The following TAOK1 variants were observed in gnomAD, a reference collection of about 807,000 sequenced individuals.
TAOK1 encodes serine/threonine-protein kinase TAO1.
In TAOK1, 21 loss-of-function variants were observed where a neutral mutation model predicts 138.3. That is an observed-to-expected ratio of 0.15 (90% CI 0.11 to 0.22). TAOK1 has a LOEUF of 0.22. Ranked by LOEUF, TAOK1 falls within the 10% of genes least tolerant of loss-of-function variation. The probability of loss-of-function intolerance (pLI) is 1.00; values close to 1 mark genes in which losing one functional copy is unlikely to be tolerated. For synonymous variants in TAOK1, 361 were observed against 398.4 expected (o/e 0.91, Z 1.12); for missense variants, 651 against 1,227.7 (o/e 0.53, Z 7.02).
intron 2 of TAOK1, among the ~76,000 whole-genome samples, chr17:29,462,626 A>G (rs1011283145): frequency 6.6e-6 from 1 of 152,184 alleles, no homozygotes; most frequent in African/African-American, 2.4e-5. Flanking sequence ...TGCAAGTTTT[A>G]TATTTTCAGT....
At chr17:29,525,198 C>T (rs1024908412) in intron 17 of TAOK1, among the ~76,000 whole-genome samples, 31 of 152,136 alleles carry the variant, frequency 2.0e-4, no homozygotes, top group Admixed American at 1.4e-3. Flanking sequence ...CCACAACCTC[C>T]GCCTCCCGGG....
intron 2 of TAOK1, 31 bp from the exon 3 acceptor site, chr17:29,467,114 T>A (rs765485065): frequency 6.5e-7 from 1 of 1,530,934 alleles, no homozygotes; most frequent in South Asian, 1.2e-5. Flanking sequence ...TGTTAATTTT[T>A]ACAGTGCTTC....
chr17:29,473,585 T>C (rs1293349678), intron 3 of TAOK1, among the ~76,000 whole-genome samples: 1 of 140,828 alleles, frequency 7.1e-6, no homozygotes, highest in Non-Finnish European at 1.5e-5. Context: ...GATGGCAGAG[T>C]GAAACTCTCA....
At chr17:29,460,367 T>C (rs537356491) in intron 2 of TAOK1, among the ~76,000 whole-genome samples, 4 of 152,288 alleles carry the variant, frequency 2.6e-5, no homozygotes, top group African/African-American at 9.6e-5. Flanking sequence ...AATTTTTGTA[T>C]TTTTAGTAGA....
intron 2 of TAOK1, among the ~76,000 whole-genome samples, chr17:29,459,370 C>T (rs1361676457): frequency 1.3e-5 from 2 of 152,124 alleles, no homozygotes; most frequent in East Asian, 3.8e-4. Context: ...CAAACACCGC[C>T]TGCTGGGTTC....
intron 14 of TAOK1, among the ~76,000 whole-genome samples, chr17:29,509,660 G>A (rs749513110): frequency 4.0e-5 from 6 of 151,862 alleles, no homozygotes; most frequent in Admixed American, 2.0e-4. Context: ...TTGGGAGGCC[G>A]AGGTGAGAAG....
At position 29,522,526 on chromosome 17, in the gene TAOK1, T is replaced by C. The variant is rs1307318356; in HGVS notation, c.2148+7T>C. 6.2e-7 allele frequency: 1 copy of C among 1,614,064 alleles called. No homozygotes were observed. The highest frequency in any genetic ancestry group is 1.1e-5 in the South Asian group (1 of 91,046). ...ACAGCCTAAGAGTTTGAAGGTATGG[T>C]TAGCCTAAGCTTTTTGATAACAGGG... On this transcript the variant is annotated splice_region_variant and intron_variant, in intron 17 of 19. Transcript: ENST00000261716.
At chr17:29,450,765 C>T (rs1465674766) in intron 1 of TAOK1, among the ~76,000 whole-genome samples, 1 of 152,180 alleles carries the variant, frequency 6.6e-6, no homozygotes, top group African/African-American at 2.4e-5. Flanking sequence ...ATCCTCCTGC[C>T]TTGACCTCCC....
At chr17:29,532,356 T>TG (rs1410425532) in intron 18 of TAOK1, among the ~76,000 whole-genome samples, 4 of 148,226 alleles carry the variant, frequency 2.7e-5, no homozygotes, top group Non-Finnish European at 4.5e-5. Flanking sequence ...TTGTTTGTGG[T>TG]TTTTTTTTTT....
At chr17:29,505,558 C>T (rs953376618) in intron 13 of TAOK1, among the ~76,000 whole-genome samples, 10 of 151,770 alleles carry the variant, frequency 6.6e-5, no homozygotes, top group African/African-American at 1.5e-4. Context: ...AAAAATTAGC[C>T]GGGCATGATG....
chr17:29,497,709 A>G (rs1450855800), intron 11 of TAOK1, among the ~76,000 whole-genome samples: 1 of 140,096 alleles, frequency 7.1e-6, no homozygotes, highest in Non-Finnish European at 1.6e-5. Flanking sequence ...AAACCTATTG[A>G]AATACAAAAA....
intron 2 of TAOK1, among the ~76,000 whole-genome samples, chr17:29,458,967 G>A (rs940959057): frequency 5.3e-5 from 8 of 151,996 alleles, no homozygotes; most frequent in Non-Finnish European, 7.4e-5. Context: ...AGATCCACCC[G>A]CCTTGGCCTC....
chr17:29,417,611 G>A (rs1905300059), intron 1 of TAOK1, among the ~76,000 whole-genome samples: 1 of 152,074 alleles, frequency 6.6e-6, no homozygotes, highest in Non-Finnish European at 1.5e-5. Context: ...AATTCCACCT[G>A]TGGCCAGGGG....
chr17:29,446,169 G>C lies in TAOK1; in HGVS notation c.-94-5286G>C, dbSNP rs141395557. On this transcript the variant is annotated intron_variant, in intron 1 of 19. Transcript: ENST00000261716. ...CTGCTTGTTTTCCTTTGTTAGTTTG[G>C]CTACAGGCCTTTCTGTCTTACTGAC... Among the ~76,000 whole-genome samples, 803 of 152,040 alleles carry C rather than the reference G, an allele frequency of 5.3e-3. 7 individuals carry two copies. Among genetic ancestry groups the C allele is most frequent in the African/African-American group, 0.018 (761 of 41,462 alleles).
intron 17 of TAOK1, among the ~76,000 whole-genome samples, chr17:29,528,114 A>G (rs752749505): frequency 7.9e-5 from 12 of 152,114 alleles, no homozygotes; most frequent in Admixed American, 3.3e-4. Flanking sequence ...CAGTGGTGCA[A>G]TCTTAGCTCA....
chr17:29,464,163 C>T (rs548872811), intron 2 of TAOK1, among the ~76,000 whole-genome samples: 5 of 151,728 alleles, frequency 3.3e-5, no homozygotes, highest in Non-Finnish European at 7.4e-5. Flanking sequence ...GGGCCAGGCG[C>T]GGTGGCTCAC....
intron 8 of TAOK1, among the ~76,000 whole-genome samples, chr17:29,484,860 C>T (rs550099875): frequency 2.6e-5 from 4 of 152,156 alleles, no homozygotes; most frequent in East Asian, 1.9e-4. Flanking sequence ...CCACCTCAGC[C>T]TCCCAAAGTG....
intron 1 of TAOK1, among the ~76,000 whole-genome samples, chr17:29,434,793 A>G (rs577504022): frequency 2.6e-5 from 4 of 152,108 alleles, no homozygotes; most frequent in African/African-American, 7.2e-5. Flanking sequence ...CTCTGTTGTC[A>G]TTTGCCTCTG....
At chr17:29,417,632 A>G (rs552636764) in intron 1 of TAOK1, among the ~76,000 whole-genome samples, 1 of 152,118 alleles carries the variant, frequency 6.6e-6, no homozygotes, top group South Asian at 2.1e-4. Flanking sequence ...CCCCTTCCCT[A>G]TAGTTTCTTC....
Sources: gnomAD v4.1 joint callset for allele counts (sites outside exome capture counted in the v4.1 genomes callset) on GRCh38, gnomAD v4.1.1 for gene constraint, MANE v1.5 for transcripts, NCBI Gene and HGNC (gene_info 2026-07-23, HGNC 2026-07-21) for gene names.